CPQ: variants seen among roughly 807,000 people sequenced by gnomAD.
CPQ encodes carboxypeptidase Q, also known as Ser-Met dipeptidase.
A neutral mutation model predicts 45.7 loss-of-function variants in CPQ; 37 were observed. The observed-to-expected ratio is 0.81, with a 90% CI of 0.62 to 1.07. CPQ has a LOEUF of 1.07. CPQ is among the 50% of genes least tolerant of loss of function. CPQ has a pLI of 0.00. For synonymous variants in CPQ, 186 were observed against 205.8 expected, an observed-to-expected ratio of 0.90 and a Z score of 0.82; for missense variants, 537 against 572.9, an observed-to-expected ratio of 0.94 and a Z score of 0.64.
chr8:97,123,739 A>T lies in CPQ; in HGVS notation c.1256-19281A>T, dbSNP rs1811796776. 2.6e-5 allele frequency among the ~76,000 whole-genome samples: 4 copies of T among 152,274 alleles called. No homozygotes were observed. In the South Asian group the frequency reaches 8.3e-4, roughly 32 times the overall value. On this transcript the variant is annotated intron_variant, in intron 7 of 7. Transcript: ENST00000220763. ...AGAAATCGTCAAACTGAATAAAAAA[A>T]GCAAGATTCAGTTATATGCTATTTA...
At chr8:96,779,903 A>C (rs1029282990) in intron 1 of CPQ, among the ~76,000 whole-genome samples, 4 of 152,206 alleles carry the variant, frequency 2.6e-5, no homozygotes, top group African/African-American at 9.6e-5. Context: ...GACCCTATGC[A>C]TATAAATAGT....
At chr8:97,027,921 A>G (rs2130467042) in intron 5 of CPQ, among the ~76,000 whole-genome samples, 1 of 152,318 alleles carries the variant, frequency 6.6e-6, no homozygotes, top group Middle Eastern at 3.4e-3. Context: ...TACAGTGTGA[A>G]GCATCACCTG....
chr8:97,108,106 GT>G (rs1477790945), intron 7 of CPQ, among the ~76,000 whole-genome samples: 2 of 152,214 alleles, frequency 1.3e-5, no homozygotes, highest in Non-Finnish European at 2.9e-5. Flanking sequence ...TGCCAGTGCT[GT>G]TTCAGGTCAA....
intron 5 of CPQ, among the ~76,000 whole-genome samples, chr8:96,976,002 G>A (rs184964937): frequency 5.1e-4 from 77 of 152,112 alleles, no homozygotes; most frequent in African/African-American, 1.8e-3. Flanking sequence ...CATCAGACAA[G>A]AAAAAGATAT....
At chr8:97,098,374 G>A (rs1446772262) in intron 7 of CPQ, among the ~76,000 whole-genome samples, 1 of 152,036 alleles carries the variant, frequency 6.6e-6, no homozygotes, top group Non-Finnish European at 1.5e-5. Flanking sequence ...AACTCCAAAG[G>A]GCTTTCTCCA....
At chr8:96,692,773 C>A (rs1270127856) in intron 1 of CPQ, among the ~76,000 whole-genome samples, 1 of 152,140 alleles carries the variant, frequency 6.6e-6, no homozygotes, top group African/African-American at 2.4e-5. Context: ...ATATTCAATT[C>A]TTCAACAGCC....
At chr8:96,905,377 G>T (rs138231891) in intron 4 of CPQ, among the ~76,000 whole-genome samples, 1 of 152,182 alleles carries the variant, frequency 6.6e-6, no homozygotes, top group Non-Finnish European at 1.5e-5. Flanking sequence ...CCATAAGCAT[G>T]TGGTTACAGA....
chr8:96,694,801 C>A (rs185263720), intron 1 of CPQ, among the ~76,000 whole-genome samples: 1 of 152,160 alleles, frequency 6.6e-6, no homozygotes, highest in Admixed American at 6.5e-5. Flanking sequence ...GTATAAGCAG[C>A]TACATAAAAA....
chr8:97,122,972 A>T (rs12547444), intron 7 of CPQ, among the ~76,000 whole-genome samples: 9,882 of 60,068 alleles, frequency 0.16, 1,992 homozygotes, highest in Non-Finnish European at 0.22. Context: ...AAAATAAAAT[A>T]AAATAAAATT....
chr8:97,111,087 C>T (rs540762050), intron 7 of CPQ, among the ~76,000 whole-genome samples: 66 of 152,114 alleles, frequency 4.3e-4, no homozygotes, highest in Non-Finnish European at 7.8e-4. Flanking sequence ...TGTGGAACAC[C>T]GCAGGGTATT....
intron 5 of CPQ, among the ~76,000 whole-genome samples, chr8:97,018,926 G>C (rs1809627269): frequency 6.6e-6 from 1 of 152,144 alleles, no homozygotes; most frequent in African/African-American, 2.4e-5. Context: ...TAGGCACATT[G>C]TCCTCAGGTT....
At chr8:97,032,983 T>C (rs1209992400) in intron 6 of CPQ, among the ~76,000 whole-genome samples, 1 of 152,172 alleles carries the variant, frequency 6.6e-6, no homozygotes, top group African/African-American at 2.4e-5. Context: ...CACTATGGCA[T>C]GTTAGTCGTG....
chr8:97,039,020 G>A (rs553843115), intron 6 of CPQ, among the ~76,000 whole-genome samples: 5 of 152,184 alleles, frequency 3.3e-5, no homozygotes, highest in Non-Finnish European at 5.9e-5. Flanking sequence ...GTCTTGGTAG[G>A]CTAATAATAG....
At chr8:97,119,536 G>A (rs566675378) in intron 7 of CPQ, among the ~76,000 whole-genome samples, 1 of 151,838 alleles carries the variant, frequency 6.6e-6, no homozygotes, top group African/African-American at 2.4e-5. Flanking sequence ...CAAAATCATT[G>A]ATCTCTTCTG....
At chr8:97,123,236 T>TA (rs1554591681) in intron 7 of CPQ, among the ~76,000 whole-genome samples, 22 of 112,518 alleles carry the variant, frequency 2.0e-4, no homozygotes, top group African/African-American at 4.0e-4. Context: ...TAAAATAAAA[T>TA]AAATAAAATA....
chr8:96,856,963 A>C (rs1042083417), intron 3 of CPQ, among the ~76,000 whole-genome samples: 1 of 152,234 alleles, frequency 6.6e-6, no homozygotes, highest in Non-Finnish European at 1.5e-5. Flanking sequence ...AGCCATGCTC[A>C]GTTCCTGGAG....
intron 4 of CPQ, among the ~76,000 whole-genome samples, chr8:96,952,313 C>T (rs1813280031): frequency 6.6e-6 from 1 of 152,072 alleles, no homozygotes; most frequent in African/African-American, 2.4e-5. Context: ...GCAAACATTC[C>T]TTCTCTGTGG....
At chr8:96,992,697 T>G (rs1446897323) in intron 5 of CPQ, among the ~76,000 whole-genome samples, 3 of 152,184 alleles carry the variant, frequency 2.0e-5, no homozygotes, top group African/African-American at 7.2e-5. Context: ...TTAATTAGTA[T>G]TAATACTATT....
intron 4 of CPQ, among the ~76,000 whole-genome samples, chr8:96,944,979 C>T (rs777997545): frequency 1.3e-5 from 2 of 152,142 alleles, no homozygotes; most frequent in Non-Finnish European, 2.9e-5. Flanking sequence ...TACACCCCAG[C>T]GCTCATCATC....
Sources: allele counts gnomAD v4.1 joint callset (sites outside exome capture counted in the v4.1 genomes callset), GRCh38; gene constraint gnomAD v4.1.1; transcripts MANE v1.5; gene names NCBI Gene and HGNC (gene_info 2026-07-23, HGNC 2026-07-21).